The following SUGCT variants were observed in gnomAD, a reference collection of about 807,000 sequenced individuals.
The protein encoded by SUGCT is succinyl-CoA:glutarate CoA-transferase.
Under a neutral mutation model 55.0 loss-of-function variants are expected in SUGCT, and 41 were observed. That is an observed-to-expected ratio of 0.74 (90% CI 0.58 to 0.97). The LOEUF (loss-of-function observed/expected upper bound fraction) is 0.97. Ranked by LOEUF, SUGCT falls within the 50% of genes least tolerant of loss-of-function variation. The probability of loss-of-function intolerance (pLI) is 0.00; values close to 1 mark genes in which losing one functional copy is unlikely to be tolerated. For synonymous variants in SUGCT, 187 were observed against 200.4 expected (o/e 0.93, Z 0.56); for missense variants, 568 against 547.8 (o/e 1.04, Z -0.37).
intron 12 of SUGCT, among the ~76,000 whole-genome samples, chr7:40,588,677 C>T (rs1466526422): frequency 6.6e-6 from 1 of 152,036 alleles, no homozygotes; most frequent in Non-Finnish European, 1.5e-5. Flanking sequence ...GGTTTAATAC[C>T]ATCATATTTA....
chr7:40,676,545 C>T lies in SUGCT; in HGVS notation c.1090-72889C>T, dbSNP rs374965557. Among the ~76,000 whole-genome samples the T allele has an allele frequency of 4.8e-4, 72 of 150,068 alleles. 3 individuals carry two copies. The South Asian group carries it at 0.01, about 21-fold the overall frequency. On this transcript the variant is annotated intron_variant, in intron 12 of 13. Transcript: ENST00000335693. ...TGAGATGGAGCCTCACTCTGTTGCC[C>T]GGGCTGGAGTGCAGTGGCAAAATCT...
the SUGCT span, among the ~76,000 whole-genome samples, chr7:40,890,149 T>C: frequency 1.3e-5 from 2 of 149,856 alleles, no homozygotes; most frequent in Non-Finnish European, 3.0e-5. Flanking sequence ...GAGGTAAGCC[T>C]AAGAGTGTGT....
At chr7:40,635,769 C>G (rs1167609824) in intron 12 of SUGCT, among the ~76,000 whole-genome samples, 1 of 152,260 alleles carries the variant, frequency 6.6e-6, no homozygotes, top group Non-Finnish European at 1.5e-5. Context: ...TAGCCAAAAG[C>G]TGAATTTTGT....
At chr7:40,135,388 T>C (rs1787625366) in intron 1 of SUGCT, among the ~76,000 whole-genome samples, 1 of 152,226 alleles carries the variant, frequency 6.6e-6, no homozygotes, top group Non-Finnish European at 1.5e-5. Flanking sequence ...CGGCTCGCGT[T>C]TGGGGCCTCT....
At chr7:40,437,959 T>A (rs1317894422) in intron 9 of SUGCT, among the ~76,000 whole-genome samples, 1 of 152,126 alleles carries the variant, frequency 6.6e-6, no homozygotes, top group East Asian at 1.9e-4. Flanking sequence ...GATGCACTGA[T>A]GAAGTAACTT....
intron 12 of SUGCT, among the ~76,000 whole-genome samples, chr7:40,558,894 A>T (rs986895142): frequency 6.6e-6 from 1 of 152,210 alleles, no homozygotes. Context: ...CTCATGAGGG[A>T]AATTCCTGTG....
At chr7:40,330,144 G>A (rs1433636235) in intron 9 of SUGCT, among the ~76,000 whole-genome samples, 1 of 152,192 alleles carries the variant, frequency 6.6e-6, no homozygotes, top group Non-Finnish European at 1.5e-5. Context: ...GAACAGAAAG[G>A]AAGCAAGGCT....
chr7:41,016,325 G>A, the SUGCT span, among the ~76,000 whole-genome samples: 1 of 152,090 alleles, frequency 6.6e-6, no homozygotes, highest in Non-Finnish European at 1.5e-5. Flanking sequence ...ATAAAACAAT[G>A]CATGCATAAA....
At chr7:40,792,694 T>G (rs1790372862) in intron 13 of SUGCT, among the ~76,000 whole-genome samples, 1 of 152,102 alleles carries the variant, frequency 6.6e-6, no homozygotes, top group Non-Finnish European at 1.5e-5. Context: ...CAGTGCTTCA[T>G]GTGACAGCAG....
intron 9 of SUGCT, among the ~76,000 whole-genome samples, chr7:40,403,503 G>T (rs1319411557): frequency 6.6e-6 from 1 of 152,130 alleles, no homozygotes; most frequent in African/African-American, 2.4e-5. Context: ...TGTAAAACGG[G>T]AATAACGGGA....
intron 1 of SUGCT, among the ~76,000 whole-genome samples, chr7:40,151,938 C>CG (rs1466190695): frequency 6.6e-6 from 1 of 151,838 alleles, no homozygotes; most frequent in Non-Finnish European, 1.5e-5. Flanking sequence ...ATGAAGTCAC[C>CG]GGGGGTCAAA....
At chr7:40,237,958 C>G (rs1289722093) in intron 7 of SUGCT, among the ~76,000 whole-genome samples, 1 of 152,124 alleles carries the variant, frequency 6.6e-6, no homozygotes, top group South Asian at 2.1e-4. Flanking sequence ...ATCAATTTGG[C>G]CACATGGAAA....
At chr7:40,885,094 A>T in the SUGCT span, among the ~76,000 whole-genome samples, 1 of 152,190 alleles carries the variant, frequency 6.6e-6, no homozygotes, top group South Asian at 2.1e-4. Context: ...ATTCAATGAC[A>T]CTAAAGAGTG....
intron 12 of SUGCT, among the ~76,000 whole-genome samples, chr7:40,700,949 C>T (rs1785147980): frequency 6.6e-6 from 1 of 152,102 alleles, no homozygotes; most frequent in Non-Finnish European, 1.5e-5. Flanking sequence ...TTCCTGTAGC[C>T]AATCCATTCT....
intron 11 of SUGCT, among the ~76,000 whole-genome samples, chr7:40,489,954 C>T (rs1791593042): frequency 6.6e-6 from 1 of 152,180 alleles, no homozygotes; most frequent in African/African-American, 2.4e-5. Flanking sequence ...TGTTCCTCAA[C>T]AGTAAACCTG....
intron 9 of SUGCT, among the ~76,000 whole-genome samples, chr7:40,328,967 A>C (rs757488817): frequency 6.6e-6 from 1 of 152,166 alleles, no homozygotes; most frequent in Non-Finnish European, 1.5e-5. Flanking sequence ...CGCAGCTAAG[A>C]GTCTAGCCTG....
At chr7:40,879,153 C>A in the SUGCT span, among the ~76,000 whole-genome samples, 1 of 152,178 alleles carries the variant, frequency 6.6e-6, no homozygotes, top group Non-Finnish European at 1.5e-5. Flanking sequence ...AGGAATTTCA[C>A]AATTTTGTCT....
intron 6 of SUGCT, 73 bp from the exon 7 acceptor site, chr7:40,237,562 T>C: frequency 8.9e-7 from 1 of 1,122,122 alleles, no homozygotes. Context: ...CAAATGTTTC[T>C]AACACACTAT....
chr7:41,031,345 C>G, the SUGCT span, among the ~76,000 whole-genome samples: 1 of 152,090 alleles, frequency 6.6e-6, no homozygotes, highest in Admixed American at 6.5e-5. Flanking sequence ...ATTTTGGAAG[C>G]TGTGTCTGCA....
Sources: allele counts gnomAD v4.1 joint callset (sites outside exome capture counted in the v4.1 genomes callset), GRCh38; gene constraint gnomAD v4.1.1; transcripts MANE v1.5; gene names NCBI Gene and HGNC (gene_info 2026-07-23, HGNC 2026-07-21).